Variants in THSD4 observed in about 807,000 individuals in gnomAD.
The protein encoded by THSD4 is thrombospondin type 1 domain containing 4.
In THSD4, 69 loss-of-function variants were observed where a neutral mutation model predicts 119.0. The ratio of observed to expected loss-of-function variants is 0.58; its 90% confidence interval spans 0.48 to 0.71. The LOEUF is 0.71. Ranked by LOEUF, THSD4 falls within the 30% of genes least tolerant of loss-of-function variation. The pLI is 0.00. For missense variants in THSD4, 1,393 were observed against 1,391.1 expected, an observed-to-expected ratio of 1.00 and a Z score of -0.02; for synonymous variants, 524 against 540.4, an observed-to-expected ratio of 0.97 and a Z score of 0.42.
intron 7 of THSD4, among the ~76,000 whole-genome samples, chr15:71,558,416 G>C (rs567286779): frequency 6.6e-6 from 1 of 152,238 alleles, no homozygotes; most frequent in East Asian, 1.9e-4. Context: ...ATTTTTTCTT[G>C]TAGTGTTACT....
chr15:71,614,732 T>C (rs1411550380), intron 7 of THSD4, among the ~76,000 whole-genome samples: 1 of 151,820 alleles, frequency 6.6e-6, no homozygotes, highest in Non-Finnish European at 1.5e-5. Flanking sequence ...AAAGAAAAAA[T>C]GAGATTCTGA....
intron 6 of THSD4, among the ~76,000 whole-genome samples, chr15:71,337,839 G>A (rs574310951): frequency 6.6e-6 from 1 of 152,190 alleles, no homozygotes; most frequent in East Asian, 1.9e-4. Context: ...ATGTGATGTA[G>A]GCAGAAATGG....
In THSD4 at chr15:71,778,486, C is replaced by T. The variant is rs1026440966; in HGVS notation, c.*1112C>T. 5 of 152,532 alleles carry T rather than the reference C, an allele frequency of 3.3e-5. No individual in the cohort carries two copies. The highest frequency in any genetic ancestry group is 2.0e-4 in the Admixed American group (3 of 15,292). The allele number at this position is 152,532 out of a possible 1,614,324, so 9.4% of individuals were successfully genotyped here. A position where few individuals can be genotyped will look rare whatever the true frequency, so the allele number is the denominator to read the frequency against. On this transcript the variant is annotated 3_prime_UTR_variant, in exon 18 of 18. Transcript: ENST00000261862. ...GGAGCCTTCCCGACCACAGAGCCAA[C>T]TTGTGAAGCACACAGCTCTGCAGCC...
chr15:71,523,463 T>A (rs1419962854), intron 7 of THSD4, among the ~76,000 whole-genome samples: 1 of 152,218 alleles, frequency 6.6e-6, no homozygotes, highest in African/African-American at 2.4e-5. Context: ...AGATCCTTAG[T>A]CACATCTGCA....
chr15:71,530,929 GAA>G (rs2140812733), intron 7 of THSD4, among the ~76,000 whole-genome samples: 1 of 120,682 alleles, frequency 8.3e-6, no homozygotes, highest in Non-Finnish European at 1.6e-5. Flanking sequence ...GGCTTAGAGA[GAA>G]ATTAAATGGG....
At chr15:71,182,047 C>T (rs1404771260) in intron 3 of THSD4, among the ~76,000 whole-genome samples, 2 of 152,168 alleles carry the variant, frequency 1.3e-5, no homozygotes, top group East Asian at 3.8e-4. Flanking sequence ...CTGGGGCTAC[C>T]AGCCCCATTT....
chr15:71,560,552 C>T (rs529221183), intron 7 of THSD4, among the ~76,000 whole-genome samples: 8 of 152,114 alleles, frequency 5.3e-5, no homozygotes, highest in Non-Finnish European at 1.2e-4. Context: ...TTAGGGGTTT[C>T]GTAGGCAGAT....
chr15:71,396,283 T>C (rs762567324), intron 6 of THSD4, among the ~76,000 whole-genome samples: 1 of 150,686 alleles, frequency 6.6e-6, no homozygotes, highest in Non-Finnish European at 1.5e-5. Context: ...ACATAAAACA[T>C]GTACATGCGT....
chr15:71,728,056 A>T (rs1205435672), intron 8 of THSD4, among the ~76,000 whole-genome samples: 2 of 151,732 alleles, frequency 1.3e-5, no homozygotes, highest in Non-Finnish European at 2.9e-5. Context: ...AGAAGCCAGA[A>T]CTCTTAAATT....
intron 7 of THSD4, among the ~76,000 whole-genome samples, chr15:71,580,526 A>G (rs2049537986): frequency 6.6e-6 from 1 of 152,150 alleles, no homozygotes; most frequent in Admixed American, 6.6e-5. Flanking sequence ...TTTCAAGCAT[A>G]CAATACAGTA....
intron 3 of THSD4, chr15:71,186,259 A>C (rs1417848263): frequency 6.6e-6 from 1 of 152,248 alleles, no homozygotes; most frequent in Non-Finnish European, 1.5e-5. Context: ...ATACAAAGAC[A>C]TGGAGGAAAT....
chr15:71,689,986 G>A lies in THSD4; in HGVS notation c.1357+29252G>A, dbSNP rs151105891. On this transcript the variant is annotated intron_variant, in intron 8 of 17. Coordinates refer to ENST00000261862, the MANE Select transcript of THSD4 (RefSeq NM_024817.3). ...CCTTGATATTTAACCAAAATATGCC[G>A]CTTCAAACTTCCCACTGGTGATGCA... Among the ~76,000 whole-genome samples, 97 of 152,236 alleles carry A rather than the reference G, an allele frequency of 6.4e-4. No individual in the cohort carries two copies. The East Asian group carries it at 9.1e-3, about 14-fold the overall frequency.
chr15:71,365,911 T>G (rs1273965512), intron 6 of THSD4, among the ~76,000 whole-genome samples: 1 of 152,164 alleles, frequency 6.6e-6, no homozygotes, highest in South Asian at 2.1e-4. Context: ...TTACTAAAAG[T>G]ATCCATCTAG....
Position 71,780,248 on chromosome 15 carries a change from T to TA in THSD4, c.*2875dup, listed in dbSNP as rs1212407917. Reference sequence around the variant, plus strand: ...TGTGGAATTGATATTTACATTTTGATACGGTTTTTTTCTTGGCCTGTGTAC... The same window carrying TA: ...TGTGGAATTGATATTTACATTTTGATAACGGTTTTTTTCTTGGCCTGTGTAC... On this transcript the variant is annotated 3_prime_UTR_variant, in exon 18 of 18. Transcript: ENST00000261862. The TA allele has an allele frequency of 2.0e-5, 3 of 153,064 alleles. No homozygotes were observed. Among genetic ancestry groups the TA allele is most frequent in the Non-Finnish European group, 4.4e-5 (3 of 68,592 alleles). The allele number at this position is 153,064 out of a possible 1,614,324, so 9.5% of individuals were successfully genotyped here.
intron 7 of THSD4, among the ~76,000 whole-genome samples, chr15:71,442,660 G>GTGTGTATGTATGTATA: frequency 4.3e-4 from 11 of 25,820 alleles, no homozygotes; most frequent in African/African-American, 9.7e-4. Flanking sequence ...GTGTGTGTGT[G>GTGTGTATGTATGTATA]TATATATATA....
At chr15:71,487,919 C>T (rs948846211) in intron 7 of THSD4, among the ~76,000 whole-genome samples, 4 of 151,782 alleles carry the variant, frequency 2.6e-5, no homozygotes, top group African/African-American at 9.7e-5. Context: ...TTTTTTTCCT[C>T]TTTGGGTGTT....
At chr15:71,703,680 G>A (rs534177586) in intron 8 of THSD4, among the ~76,000 whole-genome samples, 5 of 152,300 alleles carry the variant, frequency 3.3e-5, no homozygotes, top group Non-Finnish European at 7.4e-5. Flanking sequence ...CAGGCCTAAG[G>A]TTCTACCACA....
At chr15:71,427,303 C>T (rs1169889613) in intron 7 of THSD4, among the ~76,000 whole-genome samples, 2 of 152,016 alleles carry the variant, frequency 1.3e-5, no homozygotes, top group African/African-American at 4.8e-5. Flanking sequence ...AACACAGTTT[C>T]TACTCAAATT....
At chr15:71,512,665 G>A (rs148789462) in intron 7 of THSD4, among the ~76,000 whole-genome samples, 11 of 152,156 alleles carry the variant, frequency 7.2e-5, no homozygotes, top group Admixed American at 3.3e-4. Flanking sequence ...GCTTAATCTC[G>A]CCGCTCAGAA....
Sources: gnomAD v4.1 joint callset for allele counts (sites outside exome capture counted in the v4.1 genomes callset) on GRCh38, gnomAD v4.1.1 for gene constraint, MANE v1.5 for transcripts, NCBI Gene and HGNC (gene_info 2026-07-23, HGNC 2026-07-21) for gene names.